SCN10A: variants seen among roughly 807,000 people sequenced by gnomAD.
SCN10A encodes the protein sodium channel protein type 10 subunit alpha.
SCN10A carries 162 observed loss-of-function variants against 170.7 expected under a neutral mutation model. That is an observed-to-expected ratio of 0.95 (90% CI 0.84 to 1.08). SCN10A has a LOEUF of 1.08. Among genes scored for constraint, SCN10A ranks in the 50% least tolerant of loss-of-function variants. SCN10A has a pLI of 0.00. For missense variants in SCN10A, 2,527 were observed against 2,436.9 expected (o/e 1.04, Z -0.78); for synonymous variants, 985 against 904.6 (o/e 1.09, Z -1.59).
intron 13 of SCN10A, among the ~76,000 whole-genome samples, chr3:38,749,431 T>C (rs1486310618): frequency 2.0e-5 from 3 of 152,234 alleles, no homozygotes; most frequent in African/African-American, 7.2e-5. Context: ...TCACGCTCTA[T>C]GGCAAAGTGT....
At chr3:38,806,796 A>G (rs1387810930) in intron 1 of SCN10A, among the ~76,000 whole-genome samples, 1 of 144,376 alleles carries the variant, frequency 6.9e-6, no homozygotes, top group Non-Finnish European at 1.5e-5. Flanking sequence ...AACAAAACAA[A>G]CATGTGAGAT....
intron 20 of SCN10A, among the ~76,000 whole-genome samples, chr3:38,720,096 G>A (rs140330685): frequency 2.0e-4 from 30 of 152,328 alleles, no homozygotes; most frequent in African/African-American, 6.7e-4. Context: ...GGCTTTCCAT[G>A]GGATCAGCTG....
intron 14 of SCN10A, among the ~76,000 whole-genome samples, chr3:38,740,016 C>T (rs1171997657): frequency 2.0e-5 from 3 of 152,156 alleles, no homozygotes; most frequent in Admixed American, 6.5e-5. Flanking sequence ...GTAGTTAAAA[C>T]GTGTGGGTTG....
At chr3:38,759,650 T>C (rs1444672922) in intron 8 of SCN10A, among the ~76,000 whole-genome samples, 1 of 152,224 alleles carries the variant, frequency 6.6e-6, no homozygotes, top group Non-Finnish European at 1.5e-5. Flanking sequence ...CAACAATATG[T>C]AGACATTTTT....
intron 8 of SCN10A, among the ~76,000 whole-genome samples, chr3:38,758,695 A>C (rs2063836113): frequency 6.6e-6 from 1 of 152,230 alleles, no homozygotes; most frequent in Non-Finnish European, 1.5e-5. Flanking sequence ...CTTTCACGGC[A>C]TGCCCCGGCA....
Position 38,728,559 on chromosome 3 carries a change from C to A in SCN10A, c.2623G>T (p.Val875Leu), listed in dbSNP as rs965694242. 6.3e-7 allele frequency: 1 copy of A among 1,592,036 alleles called. No homozygotes were observed. The highest frequency in any genetic ancestry group is 1.3e-5 in the African/African-American group (1 of 74,638). Residue 875 changes from valine (V) to leucine (L), a missense_variant, in exon 16 of 28, where the codon GTG becomes TTG. Transcript: ENST00000449082. ...ICLILFLTVM[V>L]LGNLVVLNLF... ...CCACTCACCACCAGGTTCCCTAGCA[C>A]CATCACCGTCAAGAAAAGGATGAGG...
intron 14 of SCN10A, 63 bp from the exon 15 acceptor site, chr3:38,739,751 T>C (rs904948758): frequency 3.6e-5 from 48 of 1,327,602 alleles, no homozygotes; most frequent in Admixed American, 6.2e-5. Context: ...ATGATAAAAA[T>C]GGCAGCAAGA....
intron 4 of SCN10A, among the ~76,000 whole-genome samples, chr3:38,787,508 A>G (rs1387971204): frequency 6.6e-6 from 1 of 151,164 alleles, no homozygotes; most frequent in Admixed American, 6.6e-5. Flanking sequence ...TCTTTGCTTT[A>G]CTATGCTGGC....
At chr3:38,725,134 G>A (rs1437277635) in intron 18 of SCN10A, 40 bp downstream of exon 18, 1 of 1,532,232 alleles carries the variant, frequency 6.5e-7, no homozygotes, top group African/African-American at 1.4e-5. Context: ...CTCAGTGTCT[G>A]GCTGGCTGTC....
intron 4 of SCN10A, among the ~76,000 whole-genome samples, chr3:38,786,484 T>TG (rs1049418642): frequency 6.6e-6 from 1 of 151,356 alleles, no homozygotes; most frequent in African/African-American, 2.4e-5. Flanking sequence ...GTTGAGGGGT[T>TG]GGGGGCTAGG....
chr3:38,702,023 G>C lies in SCN10A; in HGVS notation c.4473C>G (p.Ile1491Met). 1 of 1,613,268 alleles carries C rather than the reference G, an allele frequency of 6.2e-7. No homozygotes were observed. Among genetic ancestry groups the C allele is most frequent in the Non-Finnish European group, 8.5e-7 (1 of 1,179,588 alleles). The change falls in exon 27 of 28, where the codon ATC becomes ATG. Residue 1491 changes from isoleucine (I) to methionine (M), a missense_variant. Ile to Met is a conservative substitution (Grantham distance 10). Coordinates refer to ENST00000449082, the MANE Select transcript of SCN10A (RefSeq NM_006514.4). ...GGTCATCAGTCTCCACCATCATGGT[G>C]ATCATGTTGAGGCAGATGAGGACCA... ...TIMVLICLNM[I>M]TMMVETDDQS...
In SCN10A at chr3:38,726,620, T is replaced by C. The variant is rs1219647829; in HGVS notation, c.3073A>G (p.Ile1025Val). Reference sequence around the variant, plus strand: ...ATAACTCTTACCTGTCCTTTGGGGATCACTTCCTGCTGGAAGCTCTGAGCA... The same window carrying C: ...ATAACTCTTACCTGTCCTTTGGGGACCACTTCCTGCTGGAAGCTCTGAGCA... ...EDAQSFQQEV[I>V]PKGQQEQLQQ... The change falls in exon 17 of 28, where the codon ATC becomes GTC. Residue 1025 changes from isoleucine to valine, a missense_variant. Ile to Val is a conservative substitution (Grantham distance 29). Transcript: ENST00000449082. 1.3e-6 allele frequency: 2 copies of C among 1,587,526 alleles called. No homozygotes were observed. The highest frequency in any genetic ancestry group is 1.7e-6 in the Non-Finnish European group (2 of 1,161,326).
chr3:38,720,296 A>T (rs2063376860), intron 20 of SCN10A, among the ~76,000 whole-genome samples: 1 of 152,216 alleles, frequency 6.6e-6, no homozygotes, highest in Admixed American at 6.5e-5. Flanking sequence ...ATTAAATGAG[A>T]TAATATGAGA....
At chr3:38,757,278 A>T in intron 8 of SCN10A, 119 bp from the exon 9 acceptor site, 1 of 971,986 alleles carries the variant, frequency 1.0e-6, no homozygotes, top group East Asian at 2.5e-5. Flanking sequence ...TCTTCCTCTT[A>T]TTAGCAGGAT....
At chr3:38,814,395 G>A (rs368101770) in intron 1 of SCN10A, among the ~76,000 whole-genome samples, 1 of 152,038 alleles carries the variant, frequency 6.6e-6, no homozygotes, top group East Asian at 1.9e-4. Context: ...GGAATCTTGG[G>A]GCTGACACTC....
intron 13 of SCN10A, among the ~76,000 whole-genome samples, chr3:38,749,295 T>C (rs1166721151): frequency 1.3e-5 from 2 of 152,196 alleles, no homozygotes; most frequent in Non-Finnish European, 2.9e-5. Context: ...TCCTCCAGCC[T>C]AGGTCAGTTT....
At chr3:38,706,092 C>T (rs934842141) in intron 26 of SCN10A, among the ~76,000 whole-genome samples, 2 of 152,208 alleles carry the variant, frequency 1.3e-5, no homozygotes, top group Non-Finnish European at 2.9e-5. Context: ...TCACTCCCCA[C>T]TCCCCATTGT....
rs542243991 is a variant in SCN10A, at chr3:38,699,918, T to C, written c.4658-1356A>G. 4.6e-5 allele frequency among the ~76,000 whole-genome samples: 7 copies of C among 152,286 alleles called. No individual in the cohort carries two copies. The South Asian group carries it at 1.2e-3, about 27-fold the overall frequency. The stretch of plus-strand genomic sequence containing the variant: ...GGGTTTTTTCTGCTTATTTTCCAGC[T>C]CTATAAGGGATTCCTGCCCCAGCGG... On this transcript the variant is annotated intron_variant, in intron 27 of 27. Transcript: ENST00000449082.
At chr3:38,741,285 T>TG (rs1327497816) in intron 14 of SCN10A, among the ~76,000 whole-genome samples, 1 of 127,402 alleles carries the variant, frequency 7.8e-6, no homozygotes, top group Non-Finnish European at 1.6e-5. Flanking sequence ...TGTGCGTGTG[T>TG]TTGAACACAC....
Sources: allele counts gnomAD v4.1 joint callset (sites outside exome capture counted in the v4.1 genomes callset), GRCh38; gene constraint gnomAD v4.1.1; transcripts MANE v1.5; gene names NCBI Gene and HGNC (gene_info 2026-07-23, HGNC 2026-07-21).